The following KIF18A variants were observed in gnomAD, a reference collection of about 807,000 sequenced individuals.
The protein encoded by KIF18A is kinesin-like protein KIF18A.
Under a neutral mutation model 103.3 loss-of-function variants are expected in KIF18A, and 67 were observed. The observed-to-expected ratio is 0.65, with a 90% CI of 0.53 to 0.79. The LOEUF (loss-of-function observed/expected upper bound fraction) is 0.79. Ranked by LOEUF, KIF18A falls within the 30% of genes least tolerant of loss-of-function variation. The pLI is 0.00. For missense variants in KIF18A, 1,032 were observed against 1,062.5 expected (o/e 0.97, Z 0.40); for synonymous variants, 367 against 355.5 (o/e 1.03, Z -0.36).
rs1454362930 is a variant in KIF18A at position 28,042,303 on chromosome 11, G to C, written c.1949-5639C>G. Among the ~76,000 whole-genome samples the C allele has an allele frequency of 2.0e-5, 3 of 151,860 alleles. 1 individual carries two copies. The highest frequency in any genetic ancestry group is 4.4e-5 in the Non-Finnish European group (3 of 67,910). On this transcript the variant is annotated intron_variant, in intron 13 of 16. Coordinates refer to ENST00000263181, the MANE Select transcript of KIF18A (RefSeq NM_031217.4). Reference sequence around the variant, plus strand: ...TTAATGGGTAAGATTTAAGTTGGTAGAATGATGTTAAAAACAGCATCTCTT... The same window carrying C: ...TTAATGGGTAAGATTTAAGTTGGTACAATGATGTTAAAAACAGCATCTCTT...
At chr11:28,043,913 CAAA>C (rs11357408) in intron 13 of KIF18A, among the ~76,000 whole-genome samples, 2 of 148,072 alleles carry the variant, frequency 1.4e-5, no homozygotes, top group African/African-American at 2.5e-5. Flanking sequence ...AATAAATGAC[CAAA>C]AAAAAAAAGG....
At chr11:28,040,202 A>G (rs868157811) in intron 13 of KIF18A, among the ~76,000 whole-genome samples, 10 of 151,788 alleles carry the variant, frequency 6.6e-5, no homozygotes, top group African/African-American at 2.4e-4. Context: ...GTTAGGTAAT[A>G]AAGAACTTTA....
intron 7 of KIF18A, 54 bp downstream of exon 7, chr11:28,084,578 A>G: frequency 7.4e-7 from 1 of 1,356,810 alleles, no homozygotes; most frequent in Non-Finnish European, 1.0e-6. Flanking sequence ...TTACAATTAT[A>G]AAAATCATAT....
At chr11:28,091,786 C>T (rs1047443156) in intron 3 of KIF18A, among the ~76,000 whole-genome samples, 5 of 152,156 alleles carry the variant, frequency 3.3e-5, no homozygotes, top group African/African-American at 1.2e-4. Flanking sequence ...TATGGTGAAA[C>T]AGAGATAAGT....
At chr11:28,057,447 G>T (rs768757724) in intron 13 of KIF18A, among the ~76,000 whole-genome samples, 2 of 152,204 alleles carry the variant, frequency 1.3e-5, no homozygotes, top group Non-Finnish European at 2.9e-5. Flanking sequence ...CCCAGGAGAC[G>T]GAGCTTGCAG....
chr11:28,090,805 AAAAAGATTT>A lies in KIF18A; in HGVS notation c.589-87_589-79del, dbSNP rs1590707663. On this transcript the variant is annotated intron_variant, in intron 4 of 16. Transcript: ENST00000263181. ...ATTTTTCAATAAATGTTCAAAAAAC[AAAAAGATTT>A]AAAGGTAAAAGAAAATGTTTTCTAT... is the stretch of plus-strand genomic sequence containing the variant. 3 of 713,540 alleles carry A rather than the reference AAAAAGATTT, an allele frequency of 4.2e-6. No homozygotes were observed. In the East Asian group the frequency reaches 8.0e-5, roughly 19 times the overall value. The allele number at this position is 713,540 out of a possible 1,614,324, so 44.2% of individuals were successfully genotyped here.
At position 28,059,069 on chromosome 11, in the gene KIF18A, T is replaced by A. The variant is rs770059686; in HGVS notation, c.1805A>T (p.Lys602Ile). 4 of 1,614,100 alleles carry A rather than the reference T, an allele frequency of 2.5e-6. No homozygotes were observed. Among genetic ancestry groups the A allele is most frequent in the South Asian group, 2.2e-5 (2 of 91,082 alleles). The change falls in exon 13 of 17, where the codon AAA becomes ATA. Residue 602 changes from lysine (K) to isoleucine (I), a missense_variant. By Grantham distance (102) the Lys-to-Ile change is moderately radical. Transcript: ENST00000263181. The part of the protein sequence containing the change: ...LSNAAFESDF[K>I]EIEHLVERKK... ...CCTCTCTACCAAATGTTCGATCTCTTTGAAGTCAGATTCAAAAGCAGCATT... is the reference window on the plus strand; with the variant it reads ...CCTCTCTACCAAATGTTCGATCTCTATGAAGTCAGATTCAAAAGCAGCATT...
chr11:28,071,193 T>C (rs1851008608), intron 10 of KIF18A, among the ~76,000 whole-genome samples: 1 of 152,206 alleles, frequency 6.6e-6, no homozygotes, highest in Admixed American at 6.5e-5. Flanking sequence ...ATTTTTATAA[T>C]ATCAGGAAAA....
At chr11:28,054,763 T>C (rs1590681200) in intron 13 of KIF18A, among the ~76,000 whole-genome samples, 1 of 152,224 alleles carries the variant, frequency 6.6e-6, no homozygotes, top group Middle Eastern at 3.4e-3. Context: ...CAAAACATTA[T>C]AAAAACAAAA....
At chr11:28,067,918 T>A (rs1023146863) in intron 11 of KIF18A, among the ~76,000 whole-genome samples, 9 of 152,182 alleles carry the variant, frequency 5.9e-5, no homozygotes, top group African/African-American at 2.2e-4. Flanking sequence ...CATTACTGGG[T>A]ATATACTCAA....
chr11:28,029,046 C>T (rs940172687), intron 15 of KIF18A, among the ~76,000 whole-genome samples: 1 of 151,996 alleles, frequency 6.6e-6, no homozygotes, highest in Non-Finnish European at 1.5e-5. Flanking sequence ...AATAGCATAC[C>T]AACCGAAAAA....
At chr11:28,038,588 A>G (rs1178978285) in intron 13 of KIF18A, among the ~76,000 whole-genome samples, 2 of 151,762 alleles carry the variant, frequency 1.3e-5, no homozygotes. Context: ...ATTTCAATAA[A>G]GCAATTCAAA....
chr11:28,084,121 A>G (rs1369688603), intron 7 of KIF18A, among the ~76,000 whole-genome samples: 1 of 152,198 alleles, frequency 6.6e-6, no homozygotes, highest in Admixed American at 6.5e-5. Flanking sequence ...AGAGATTGGT[A>G]CATCAACATC....
At chr11:28,091,648 T>C (rs1486689915) in intron 3 of KIF18A, 135 bp from the exon 4 acceptor site, 15 of 492,616 alleles carry the variant, frequency 3.0e-5, no homozygotes, top group Non-Finnish European at 4.6e-5. Context: ...ATTCACCTCA[T>C]ACCTTCGATC....
At chr11:28,042,776 C>T (rs1273420901) in intron 13 of KIF18A, among the ~76,000 whole-genome samples, 1 of 151,766 alleles carries the variant, frequency 6.6e-6, no homozygotes, top group African/African-American at 2.4e-5. Flanking sequence ...ATCTAGCGCC[C>T]ACTCAGATTC....
intron 12 of KIF18A, among the ~76,000 whole-genome samples, chr11:28,059,527 C>A (rs1850831581): frequency 6.6e-6 from 1 of 152,058 alleles, no homozygotes; most frequent in African/African-American, 2.4e-5. Flanking sequence ...GAACTCCTGG[C>A]CTCACTTGAT....
At chr11:28,098,619 T>C (rs1851405620) in intron 1 of KIF18A, among the ~76,000 whole-genome samples, 1 of 152,114 alleles carries the variant, frequency 6.6e-6, no homozygotes, top group South Asian at 2.1e-4. Flanking sequence ...AGAGATGGCA[T>C]AGACTCCTTG....
intron 1 of KIF18A, among the ~76,000 whole-genome samples, chr11:28,100,667 C>T (rs913187717): frequency 3.3e-5 from 5 of 151,730 alleles, no homozygotes; most frequent in Admixed American, 6.6e-5. Context: ...CATATACTTT[C>T]GGACAGAATT....
chr11:28,075,878 G>A (rs1379403236), intron 10 of KIF18A, among the ~76,000 whole-genome samples: 1 of 152,084 alleles, frequency 6.6e-6, no homozygotes, highest in Non-Finnish European at 1.5e-5. Flanking sequence ...AAATACATGG[G>A]TTGTAACAAT....
Sources: allele counts gnomAD v4.1 joint callset (sites outside exome capture counted in the v4.1 genomes callset), GRCh38; gene constraint gnomAD v4.1.1; transcripts MANE v1.5; gene names NCBI Gene and HGNC (gene_info 2026-07-23, HGNC 2026-07-21).